Variants in CACNA1A observed in about 807,000 individuals in gnomAD.
The protein encoded by CACNA1A is calcium voltage-gated channel subunit alpha1 A, also known as voltage-dependent P/Q-type calcium channel subunit alpha-1A.
CACNA1A carries 57 observed loss-of-function variants against 262.4 expected under a neutral mutation model. That is an observed-to-expected ratio of 0.22 (90% CI 0.18 to 0.27). The LOEUF (loss-of-function observed/expected upper bound fraction) is 0.27. Among genes scored for constraint, CACNA1A ranks in the 10% least tolerant of loss-of-function variants. CACNA1A has a pLI of 1.00. For missense variants in CACNA1A, 2,526 were observed against 3,562.8 expected (o/e 0.71, Z 7.41); for synonymous variants, 1,431 against 1,419.3 (o/e 1.01, Z -0.18).
In CACNA1A at chr19:13,466,641, G is replaced by A. The variant is rs117474011; in HGVS notation, c.294-11429C>T. On this transcript the variant is annotated intron_variant, in intron 1 of 46. Coordinates refer to ENST00000360228, the MANE Select transcript of CACNA1A (RefSeq NM_001127222.2). Reference sequence around the variant, plus strand: ...CAGGCGTGAGCCACCATGCCCATCCGAGACTCTGTCTTTTAAAATACTGCT... The same window carrying A: ...CAGGCGTGAGCCACCATGCCCATCCAAGACTCTGTCTTTTAAAATACTGCT... 7.5e-3 allele frequency among the ~76,000 whole-genome samples: 1,134 copies of A among 150,572 alleles called. 6 individuals are homozygous for A. The highest frequency in any genetic ancestry group is 0.02 in the South Asian group (94 of 4,728).
intron 4 of CACNA1A, chr19:13,371,153 T>C: frequency 6.6e-6 from 1 of 152,528 alleles, no homozygotes; most frequent in Non-Finnish European, 1.5e-5. Context: ...GTAAAATGGG[T>C]GTTCGCTGGG....
rs1261240578 is a variant in CACNA1A, at chr19:13,314,471, G to A, written c.1556-1690C>T. Among the ~76,000 whole-genome samples, 3 of 152,254 alleles carry A rather than the reference G, an allele frequency of 2.0e-5. No individual in the cohort carries two copies. In the East Asian group the frequency reaches 5.8e-4, roughly 29 times the overall value. ...GGGATTAGGTGCCCTTATAAAAGAG[G>A]TTGACAGAGGAAGTTTGTCCCTCTT... On this transcript the variant is annotated intron_variant, in intron 11 of 46. Transcript: ENST00000360228.
chr19:13,502,495 T>G (rs1330629466), intron 1 of CACNA1A, among the ~76,000 whole-genome samples: 1 of 152,156 alleles, frequency 6.6e-6, no homozygotes, highest in East Asian at 1.9e-4. Flanking sequence ...GGCTGACAGA[T>G]GCTCCTTTTT....
chr19:13,420,736 C>T (rs2060303567), intron 3 of CACNA1A, among the ~76,000 whole-genome samples: 3 of 152,060 alleles, frequency 2.0e-5, no homozygotes, highest in South Asian at 2.1e-4. Context: ...TTATAACAGC[C>T]CTAGAAAGCC....
chr19:13,241,456 G>T lies in CACNA1A; in HGVS notation c.4950+3726C>A. The T allele has an allele frequency of 8.4e-7, 1 of 1,185,910 alleles. No homozygotes were observed. Among genetic ancestry groups the T allele is most frequent in the South Asian group, 1.3e-5 (1 of 77,210 alleles). 73.5% of individuals were successfully genotyped at this position (1,185,910 alleles called of 1,614,324 possible). On this transcript the variant is annotated intron_variant, in intron 31 of 46. Coordinates refer to ENST00000360228, the MANE Select transcript of CACNA1A (RefSeq NM_001127222.2). This position sits in a 1 kb window ranked among gnomAD's most constrained non-coding sequence, Gnocchi z 4.0. ...GAGGCAGGGTGTGGCATGCAATGCCGACGCGAGGAGATGCGTTCACAGTTA... is the reference window on the plus strand; with the variant it reads ...GAGGCAGGGTGTGGCATGCAATGCCTACGCGAGGAGATGCGTTCACAGTTA...
intron 24 of CACNA1A, chr19:13,275,513 T>G: frequency 3.1e-6 from 1 of 326,036 alleles, no homozygotes; most frequent in Non-Finnish European, 5.9e-6. Context: ...GACAGCGGTT[T>G]GGGCGGCGCT....
At chr19:13,495,204 G>C (rs1378338242) in intron 1 of CACNA1A, among the ~76,000 whole-genome samples, 5 of 152,314 alleles carry the variant, frequency 3.3e-5, no homozygotes, top group Admixed American at 6.5e-5. Flanking sequence ...ATATAGTGCA[G>C]GAACTTTGGG....
chr19:13,489,556 G>A (rs1024535573), intron 1 of CACNA1A, among the ~76,000 whole-genome samples: 2 of 152,184 alleles, frequency 1.3e-5, no homozygotes, highest in African/African-American at 4.8e-5. Context: ...ACAGGCACAA[G>A]CCATTGAGCC....
At chr19:13,498,485 G>A (rs774756024) in intron 1 of CACNA1A, among the ~76,000 whole-genome samples, 10 of 152,086 alleles carry the variant, frequency 6.6e-5, no homozygotes, top group Admixed American at 5.9e-4. Context: ...GTTATTTGGG[G>A]GCTGGGGGTG....
chr19:13,328,162 C>T (rs1486033794), intron 10 of CACNA1A, among the ~76,000 whole-genome samples: 2 of 152,278 alleles, frequency 1.3e-5, no homozygotes, highest in African/African-American at 4.8e-5. Flanking sequence ...GCACTGGCCT[C>T]CCAAAGCAGT....
chr19:13,268,534 C>G (rs1218828874), intron 24 of CACNA1A, among the ~76,000 whole-genome samples: 1 of 151,420 alleles, frequency 6.6e-6, no homozygotes, highest in Non-Finnish European at 1.5e-5. Flanking sequence ...CCCAGGTTCA[C>G]GCCATTCTCC....
In CACNA1A at chr19:13,450,139, CAAAAAAAAA is replaced by C. The variant is rs367559329; in HGVS notation, c.539+2728_539+2736del. Among the ~76,000 whole-genome samples the C allele has an allele frequency of 3.1e-4, 16 of 52,248 alleles. No homozygotes were observed. In the East Asian group the frequency reaches 7.0e-3, roughly 23 times the overall value. 34.3% of individuals were successfully genotyped at this position (52,248 alleles called of 152,430 possible). A position where few individuals can be genotyped will look rare whatever the true frequency, so the allele number is the denominator to read the frequency against. On this transcript the variant is annotated intron_variant, in intron 3 of 46. Transcript: ENST00000360228. ...CTGGGTGACAGAGGGAGACTCTTGT[CAAAAAAAAA>C]AAAAAAAAAAAAAAGAGAAAGGTTG...
chr19:13,374,047 G>A (rs1385615025), intron 3 of CACNA1A, among the ~76,000 whole-genome samples: 1 of 152,124 alleles, frequency 6.6e-6, no homozygotes, highest in Non-Finnish European at 1.5e-5. Context: ...CATAGATGAG[G>A]GGGAGAAATC....
intron 35 of CACNA1A, among the ~76,000 whole-genome samples, chr19:13,230,675 T>G (rs1462596311): frequency 6.6e-6 from 1 of 151,924 alleles, no homozygotes; most frequent in Non-Finnish European, 1.5e-5. Context: ...TGTGGTGGCA[T>G]GTGCACCTGT....
chr19:13,245,933 A>G (rs1444378367), intron 30 of CACNA1A, among the ~76,000 whole-genome samples: 1 of 152,008 alleles, frequency 6.6e-6, no homozygotes, highest in Non-Finnish European at 1.5e-5. Context: ...TGGCCTTCCA[A>G]AGTGTTGGGA....
At position 13,207,779 on chromosome 19, in the gene CACNA1A, T is replaced by A; in HGVS notation, c.7055A>T (p.Asp2352Val). Residue 2352 changes from aspartate to valine, a missense_variant, in exon 47 of 47, where the codon GAT becomes GTT. Physicochemically the swap from Asp to Val is radical, Grantham distance 152 (BLOSUM62 -3). Coordinates refer to ENST00000360228, the MANE Select transcript of CACNA1A (RefSeq NM_001127222.2). The surrounding 1 kb of genome is among the most constrained non-coding windows in gnomAD (Gnocchi z 5.7). ...GCTGTGGCCCCCCGTGGGCGGCCGA[T>A]CTCCGGCCAGAGGCTCGGCCGTGGG... ...PGPTAEPLAG[D>V]RPPTGGHSSG... The A allele has an allele frequency of 7.2e-7, 1 of 1,388,480 alleles. No individual in the cohort carries two copies. Among genetic ancestry groups the A allele is most frequent in the Non-Finnish European group, 9.3e-7 (1 of 1,079,430 alleles). 86.0% of individuals were successfully genotyped at this position (1,388,480 alleles called of 1,614,324 possible). A position where few individuals can be genotyped will look rare whatever the true frequency, so the allele number is the denominator to read the frequency against.
intron 6 of CACNA1A, among the ~76,000 whole-genome samples, chr19:13,354,265 A>G (rs1335897750): frequency 1.3e-5 from 2 of 152,206 alleles, no homozygotes; most frequent in Non-Finnish European, 2.9e-5. Flanking sequence ...GATCTCAACT[A>G]CTAGCTTGTT....
At chr19:13,261,829 G>T (rs1294509212) in intron 25 of CACNA1A, 1 of 521,052 alleles carries the variant, frequency 1.9e-6, no homozygotes, top group Non-Finnish European at 3.4e-6. Context: ...ACTCCCAGAT[G>T]GGATACCAGA....
intron 19 of CACNA1A, among the ~76,000 whole-genome samples, chr19:13,294,388 T>C (rs2057615276): frequency 6.6e-6 from 1 of 151,806 alleles, no homozygotes; most frequent in Non-Finnish European, 1.5e-5. Flanking sequence ...CCTCCCATTC[T>C]CTAAATGCTC....
Sources: allele counts gnomAD v4.1 joint callset (sites outside exome capture counted in the v4.1 genomes callset), GRCh38; gene constraint gnomAD v4.1.1; non-coding constraint Gnocchi (gnomAD v3.1); transcripts MANE v1.5; gene names NCBI Gene and HGNC (gene_info 2026-07-23, HGNC 2026-07-21).